Variants in MON1A observed in about 807,000 individuals in gnomAD.
MON1A encodes MON1 vesicular trafficking associated A.
A neutral mutation model predicts 44.6 loss-of-function variants in MON1A; 29 were observed. The ratio of observed to expected loss-of-function variants is 0.65; its 90% CI spans 0.48 to 0.89. The LOEUF (loss-of-function observed/expected upper bound fraction) is 0.89, where lower values mean the gene tolerates loss of function less well. MON1A is among the 40% of genes least tolerant of loss of function. The pLI is 0.00. For synonymous variants in MON1A, 275 were observed against 316.4 expected, an observed-to-expected ratio of 0.87 and a Z score of 1.39; for missense variants, 615 against 759.6, an observed-to-expected ratio of 0.81 and a Z score of 2.24.
At chr3:49,919,417 C>T (rs2082976625) in intron 1 of MON1A, among the ~76,000 whole-genome samples, 2 of 152,158 alleles carry the variant, frequency 1.3e-5, no homozygotes, top group South Asian at 4.1e-4. Flanking sequence ...TTGCATTAGT[C>T]AGGTAGGCTA....
intron 1 of MON1A, chr3:49,920,575 C>T (rs2082987250): frequency 6.6e-6 from 1 of 152,148 alleles, no homozygotes; most frequent in African/African-American, 2.4e-5. Context: ...CGTGGTGGCT[C>T]TCACCTGTAA....
At chr3:49,916,180 G>C (rs935185684) in intron 1 of MON1A, among the ~76,000 whole-genome samples, 20 of 152,120 alleles carry the variant, frequency 1.3e-4, no homozygotes, top group Non-Finnish European at 1.6e-4. Flanking sequence ...GTGTAACCTT[G>C]GGCAAATGAC....
Position 49,913,247 on chromosome 3 carries a change from G to C in MON1A, c.100C>G (p.Pro34Ala), listed in dbSNP as rs775580190. 2 of 1,614,214 alleles carry C rather than the reference G, an allele frequency of 1.2e-6. No individual in the cohort carries two copies. The highest frequency in any genetic ancestry group is 2.2e-5 in the South Asian group (2 of 91,088). Reference protein sequence around the residue: ...QSMERAESPTPGMAQGMEPGA... With the variant: ...QSMERAESPTAGMAQGMEPGA... ...GGCTCCATTCCCTGGGCCATTCCTGGTGTGGGGCTCTCAGCTCTCTCCATA... is the reference window on the plus strand; with the variant it reads ...GGCTCCATTCCCTGGGCCATTCCTGCTGTGGGGCTCTCAGCTCTCTCCATA... The change falls in exon 2 of 6, where the codon CCA becomes GCA. Residue 34 changes from proline to alanine, a missense_variant. Physicochemically the swap from Pro to Ala is conservative, Grantham distance 27. Coordinates refer to ENST00000296473, the MANE Select transcript of MON1A (RefSeq NM_032355.4).
intron 2 of MON1A, chr3:49,912,954 G>T (rs144228669): frequency 8.7e-6 from 5 of 575,140 alleles, no homozygotes; most frequent in African/African-American, 7.4e-5. Context: ...AGAAGGAGCC[G>T]GGGAGGTGCG....
At chr3:49,920,357 C>T (rs998798299) in intron 1 of MON1A, among the ~76,000 whole-genome samples, 3 of 152,234 alleles carry the variant, frequency 2.0e-5, no homozygotes, top group South Asian at 2.1e-4. Flanking sequence ...GTCTTTGGAC[C>T]TCTTCTCTGT....
At position 49,929,798 on chromosome 3, in the gene MON1A, C is replaced by T. The variant is rs1315353986; in HGVS notation, c.-203G>A. ...CCTCCCACCGCCCTCACCCGGCCGC[C>T]GGTGCAGGAAGATAGCTTTCGCCGG... On this transcript the variant is annotated 5_prime_UTR_variant, in exon 1 of 6. Transcript: ENST00000296473. 2.6e-6 allele frequency: 4 copies of T among 1,547,712 alleles called. No individual in the cohort carries two copies. The highest frequency in any genetic ancestry group is 3.5e-6 in the Non-Finnish European group (4 of 1,146,692).
chr3:49,921,111 G>T (rs1191568509), intron 1 of MON1A, among the ~76,000 whole-genome samples: 5 of 152,044 alleles, frequency 3.3e-5, no homozygotes, highest in African/African-American at 1.2e-4. Flanking sequence ...AGCCAAGATC[G>T]TGCCACTGCA....
Position 49,908,990 on chromosome 3 carries a change from A to G in MON1A, c.*24T>C. ...CTTCCCACACCTAGTGTGTCCAGGA[A>G]GGCTGAGCCCGCACACATTCCCATC... On this transcript the variant is annotated 3_prime_UTR_variant, in exon 6 of 6. Transcript: ENST00000296473. 6.3e-7 allele frequency: 1 copy of G among 1,596,562 alleles called. No homozygotes were observed. Among genetic ancestry groups the G allele is most frequent in the Non-Finnish European group, 8.6e-7 (1 of 1,169,468 alleles).
In MON1A at chr3:49,911,377, A is replaced by T; in HGVS notation, c.613+149T>A. ...CCAGCAGTGTTGTTATCTTCTGTTC[A>T]GGTGAGGACCTTGAAGCTCAGAGAG... On this transcript the variant is annotated intron_variant, in intron 3 of 5. Coordinates refer to ENST00000296473, the MANE Select transcript of MON1A (RefSeq NM_032355.4). This position sits in a 1 kb window ranked among gnomAD's most constrained non-coding sequence, Gnocchi z 5.7. 8.2e-7 allele frequency: 1 copy of T among 1,217,082 alleles called. No homozygotes were observed. Among genetic ancestry groups the T allele is most frequent in the Non-Finnish European group, 1.1e-6 (1 of 888,168 alleles). The allele number at this position is 1,217,082 out of a possible 1,614,324, so 75.4% of individuals were successfully genotyped here.
chr3:49,922,170 G>A (rs1187676123), intron 1 of MON1A, among the ~76,000 whole-genome samples: 3 of 151,110 alleles, frequency 2.0e-5, no homozygotes, highest in African/African-American at 4.9e-5. Flanking sequence ...AAAGACGGCC[G>A]GGAGCAGTGG....
At chr3:49,915,613 TA>T (rs1338942561) in intron 1 of MON1A, among the ~76,000 whole-genome samples, 7 of 152,220 alleles carry the variant, frequency 4.6e-5, no homozygotes, top group Non-Finnish European at 1.0e-4. Context: ...TGTTTGCAGA[TA>T]AAAAAGTGAG....
At chr3:49,919,195 C>T (rs11709573) in intron 1 of MON1A, among the ~76,000 whole-genome samples, 51,901 of 151,914 alleles carry the variant, frequency 0.34, 9,454 homozygotes, top group Non-Finnish European at 0.42. Flanking sequence ...AAAACAAAAA[C>T]CAAACAATTT....
chr3:49,913,143 A>C (rs1465204886), intron 2 of MON1A, 77 bp downstream of exon 2: 1 of 1,593,840 alleles, frequency 6.3e-7, no homozygotes, highest in Non-Finnish European at 8.6e-7. Context: ...TGGAAAGGAA[A>C]AAGTGGTTGG....
intron 1 of MON1A, among the ~76,000 whole-genome samples, 154 bp from the exon 2 acceptor site, chr3:49,913,513 A>G (rs1575472786): frequency 6.6e-6 from 1 of 152,054 alleles, no homozygotes; most frequent in South Asian, 2.1e-4. Context: ...AAAAAAATAT[A>G]TACTGTTCCT....
chr3:49,917,152 G>C (rs771063053), intron 1 of MON1A, among the ~76,000 whole-genome samples: 1 of 152,106 alleles, frequency 6.6e-6, no homozygotes, highest in Non-Finnish European at 1.5e-5. Context: ...GGTAGAATTA[G>C]GGTTTTGCCA....
At chr3:49,916,197 C>T (rs1050921625) in intron 1 of MON1A, among the ~76,000 whole-genome samples, 1 of 152,172 alleles carries the variant, frequency 6.6e-6, no homozygotes, top group Non-Finnish European at 1.5e-5. Flanking sequence ...TGACTCTTCC[C>T]TGGAAGCATG....
intron 1 of MON1A, among the ~76,000 whole-genome samples, chr3:49,923,634 G>C (rs2083024265): frequency 6.7e-6 from 1 of 150,230 alleles, no homozygotes; most frequent in Non-Finnish European, 1.5e-5. Flanking sequence ...TGTATTTTTA[G>C]TAGAGACAGG....
At chr3:49,924,562 C>A in intron 1 of MON1A, 1 of 279,702 alleles carries the variant, frequency 3.6e-6, no homozygotes, top group South Asian at 2.8e-5. Context: ...GCCTGTAATC[C>A]CAACTGCTTG....
chr3:49,912,625 T>A (rs944040508), intron 2 of MON1A: 4 of 175,046 alleles, frequency 2.3e-5, no homozygotes, highest in Non-Finnish European at 4.9e-5. Context: ...GGGAGAAAGC[T>A]CCCCTACCCT....
Sources: gnomAD v4.1 joint callset for allele counts (sites outside exome capture counted in the v4.1 genomes callset) on GRCh38, gnomAD v4.1.1 for gene constraint, Gnocchi (gnomAD v3.1) non-coding constraint, MANE v1.5 for transcripts, NCBI Gene and HGNC (gene_info 2026-07-23, HGNC 2026-07-21) for gene names.